The following SP140 variants were observed in gnomAD, a reference collection of about 807,000 sequenced individuals.
SP140 encodes the protein SP140 nuclear body protein, also known as nuclear body protein SP140.
Under a neutral mutation model 125.0 loss-of-function variants are expected in SP140, and 81 were observed. That is an observed-to-expected ratio of 0.65 (90% CI 0.54 to 0.78). The LOEUF (loss-of-function observed/expected upper bound fraction) is 0.78, where lower values mean the gene tolerates loss of function less well. SP140 is among the 30% of genes least tolerant of loss of function. SP140 has a pLI of 0.00. For synonymous variants in SP140, 312 were observed against 354.0 expected, an observed-to-expected ratio of 0.88 and a Z score of 1.33; for missense variants, 858 against 1,037.0, an observed-to-expected ratio of 0.83 and a Z score of 2.37.
intron 22 of SP140, among the ~76,000 whole-genome samples, chr2:230,304,818 A>G (rs913706634): frequency 6.6e-5 from 10 of 152,252 alleles, no homozygotes; most frequent in Admixed American, 6.5e-4. Flanking sequence ...AGAAAATAAC[A>G]TTGGAAAAAC....
intron 3 of SP140, among the ~76,000 whole-genome samples, chr2:230,217,415 T>A (rs1473028991): frequency 9.9e-5 from 15 of 152,042 alleles, no homozygotes; most frequent in Non-Finnish European, 2.9e-5. Flanking sequence ...ACAAGGACAA[T>A]TCCCAGCAAC....
intron 15 of SP140, among the ~76,000 whole-genome samples, chr2:230,281,928 G>A (rs910705372): frequency 4.6e-5 from 7 of 152,000 alleles, no homozygotes; most frequent in Admixed American, 1.3e-4. Context: ...CAAAATTGCC[G>A]GGATATAGAG....
rs1280887457 is a variant in SP140 at position 230,211,988 on chromosome 2, C to T, written c.-322-1666C>T. On this transcript the variant is annotated intron_variant, in intron 1 of 4. Transcript: ENST00000456542. The surrounding 1 kb of genome is among the most constrained non-coding windows in gnomAD (Gnocchi z 4.2). Reference sequence around the variant, plus strand: ...GAAGCTAAATATTAGGTCTAGCAGACCTTTAAACATTTTATCATCTTTTCT... The same window carrying T: ...GAAGCTAAATATTAGGTCTAGCAGATCTTTAAACATTTTATCATCTTTTCT... Among the ~76,000 whole-genome samples the T allele has an allele frequency of 6.6e-6, 1 of 152,096 alleles. No individual in the cohort carries two copies. The highest frequency in any genetic ancestry group is 1.9e-4 in the East Asian group (1 of 5,202).
intron 1 of SP140, among the ~76,000 whole-genome samples, chr2:230,226,376 C>G (rs1257155276): frequency 6.6e-6 from 1 of 152,022 alleles, no homozygotes; most frequent in East Asian, 1.9e-4. Context: ...GGCTCTTAGC[C>G]CTAGAATCAC....
upstream of SP140, chr2:230,202,483 T>C (rs2043279926): frequency 8.6e-7 from 1 of 1,166,530 alleles, no homozygotes; most frequent in Non-Finnish European, 1.3e-6. Flanking sequence ...TTCCTTTTAC[T>C]ATTGACTTTA....
intron 3 of SP140, among the ~76,000 whole-genome samples, chr2:230,239,841 AG>A (rs1379545926): frequency 1.3e-5 from 2 of 152,310 alleles, no homozygotes; most frequent in East Asian, 3.9e-4. Context: ...ACAAATTTTG[AG>A]TCAATATTTG....
chr2:230,195,831 A>G, the SP140 span, among the ~76,000 whole-genome samples: 1 of 152,178 alleles, frequency 6.6e-6, no homozygotes, highest in African/African-American at 2.4e-5. Context: ...ACACCCCGAC[A>G]CTATTAAAGC....
At position 230,211,967 on chromosome 2, in the gene SP140, C is replaced by T. The variant is rs1283150554; in HGVS notation, c.-322-1687C>T. Among the ~76,000 whole-genome samples the T allele has an allele frequency of 6.6e-6, 1 of 152,136 alleles. No individual in the cohort carries two copies. The highest frequency in any genetic ancestry group is 2.4e-5 in the African/African-American group (1 of 41,416). ...AGGACAAGTGATACAATTTGAGAAG[C>T]TAAATATTAGGTCTAGCAGACCTTT... On this transcript the variant is annotated intron_variant, in intron 1 of 4. Coordinates refer to the SP140 transcript ENST00000456542. This position sits in a 1 kb window ranked among gnomAD's most constrained non-coding sequence, Gnocchi z 4.2.
At chr2:230,275,610 T>C (rs2054602954) in intron 15 of SP140, among the ~76,000 whole-genome samples, 1 of 152,108 alleles carries the variant, frequency 6.6e-6, no homozygotes, top group African/African-American at 2.4e-5. Flanking sequence ...GACAAAAAAA[T>C]ATGGAAATTA....
At chr2:230,305,139 A>G (rs1482557400) in intron 22 of SP140, among the ~76,000 whole-genome samples, 2 of 152,246 alleles carry the variant, frequency 1.3e-5, no homozygotes, top group African/African-American at 2.4e-5. Flanking sequence ...CAAATGGCCA[A>G]CGAACATGAA....
intron 15 of SP140, among the ~76,000 whole-genome samples, chr2:230,279,506 A>C (rs1283318079): frequency 1.3e-5 from 2 of 152,150 alleles, no homozygotes; most frequent in Non-Finnish European, 2.9e-5. Context: ...CCAGAAATAA[A>C]CACTCATGCA....
At chr2:230,234,092 C>G (rs1295231040) in intron 1 of SP140, among the ~76,000 whole-genome samples, 1 of 152,174 alleles carries the variant, frequency 6.6e-6, no homozygotes, top group Non-Finnish European at 1.5e-5. Flanking sequence ...ATACTGATTT[C>G]TTGATTCTGT....
At chr2:230,263,595 T>C (rs184108643) in intron 12 of SP140, among the ~76,000 whole-genome samples, 1 of 152,292 alleles carries the variant, frequency 6.6e-6, no homozygotes, top group African/African-American at 2.4e-5. Context: ...AGAGGTTCCG[T>C]TTTGATGTGT....
chr2:230,238,738 T>C, intron 3 of SP140: 1 of 1,519,802 alleles, frequency 6.6e-7, no homozygotes, highest in Non-Finnish European at 8.9e-7. Context: ...TGTTCAAAGA[T>C]AAAACAATTT....
chr2:230,286,322 G>A (rs549990716), intron 17 of SP140, among the ~76,000 whole-genome samples: 5 of 152,138 alleles, frequency 3.3e-5, no homozygotes, highest in African/African-American at 4.8e-5. Context: ...AAGCACCTTC[G>A]CTTCTTCAGC....
At chr2:230,251,123 T>C in intron 10 of SP140, 62 bp downstream of exon 10, 1 of 1,356,738 alleles carries the variant, frequency 7.4e-7, no homozygotes, top group Non-Finnish European at 1.0e-6. Flanking sequence ...AATTTGGAGC[T>C]TGTGTTTCCT....
rs568077281 is a variant in SP140, at chr2:230,248,635, G to T, written c.893-250G>T. 2.6e-5 allele frequency among the ~76,000 whole-genome samples: 4 copies of T among 152,334 alleles called. No homozygotes were observed. The South Asian group carries it at 8.3e-4, about 32-fold the overall frequency. On this transcript the variant is annotated intron_variant, in intron 8 of 26. Transcript: ENST00000392045. ...AAAGACATAGAAACAGGAGACAAGA[G>T]AAGCCAGTTGGAGAGAAGATCAGAC...
At chr2:230,285,606 A>G in intron 16 of SP140, 146 bp from the exon 17 acceptor site, 1 of 661,000 alleles carries the variant, frequency 1.5e-6, no homozygotes, top group East Asian at 2.6e-5. Flanking sequence ...TTAAAAGTCG[A>G]CACTCCCAAA....
the SP140 span, among the ~76,000 whole-genome samples, chr2:230,195,489 C>A: frequency 7.1e-3 from 1,079 of 152,234 alleles, 8 homozygotes; most frequent in Middle Eastern, 0.031. Flanking sequence ...TATGCACCCC[C>A]AGGCTAACTT....
Sources: gnomAD v4.1 joint callset for allele counts (sites outside exome capture counted in the v4.1 genomes callset) on GRCh38, gnomAD v4.1.1 for gene constraint, Gnocchi (gnomAD v3.1) non-coding constraint, MANE v1.5 for transcripts, NCBI Gene and HGNC (gene_info 2026-07-23, HGNC 2026-07-21) for gene names.